Variants in ZNF618 observed in about 807,000 individuals in gnomAD.
The protein encoded by ZNF618 is zinc finger protein 618.
ZNF618 carries 34 observed loss-of-function variants against 103.0 expected under a neutral mutation model. The observed-to-expected ratio is 0.33, with a 90% CI of 0.25 to 0.44. ZNF618 has a LOEUF of 0.44. Ranked by LOEUF, ZNF618 falls within the 20% of genes least tolerant of loss-of-function variation. The probability of loss-of-function intolerance (pLI) is 1.00; values close to 1 mark genes in which losing one functional copy is unlikely to be tolerated. For missense variants in ZNF618, 1,059 were observed against 1,295.4 expected, an observed-to-expected ratio of 0.82 and a Z score of 2.80; for synonymous variants, 551 against 542.2, an observed-to-expected ratio of 1.02 and a Z score of -0.23.
intron 1 of ZNF618, 97 bp downstream of exon 1, chr9:113,876,510 A>G (rs1481465168): frequency 6.0e-6 from 6 of 997,514 alleles, no homozygotes; most frequent in Non-Finnish European, 7.5e-6. Context: ...TGCAAAATGC[A>G]AAGTGCCTGG....
In ZNF618 at chr9:113,996,308, G is replaced by A. The variant is rs563338823; in HGVS notation, c.338-1951G>A. Reference sequence around the variant, plus strand: ...GACGCTCTGAGCTAAATATGGGACTGTCCATTGTAAGGAACCAGCCTTCTG... The same window carrying A: ...GACGCTCTGAGCTAAATATGGGACTATCCATTGTAAGGAACCAGCCTTCTG... On this transcript the variant is annotated intron_variant, in intron 3 of 14. Coordinates refer to ENST00000374126, the MANE Select transcript of ZNF618 (RefSeq NM_001318042.2). Among the ~76,000 whole-genome samples the A allele has an allele frequency of 1.7e-4, 26 of 152,314 alleles. 1 individual carries two copies. The South Asian group carries it at 5.2e-3, about 30-fold the overall frequency.
At position 113,896,403 on chromosome 9, in the gene ZNF618, A is replaced by C. The variant is rs7855333; in HGVS notation, c.33+19990A>C. ...TTAAATTTCTGTGTTACTCCTTTTC[A>C]ATAAGTGCTTATTTTTATTCATTTT... On this transcript the variant is annotated intron_variant, in intron 1 of 14. Coordinates refer to ENST00000374126, the MANE Select transcript of ZNF618 (RefSeq NM_001318042.2). 4.7e-3 allele frequency among the ~76,000 whole-genome samples: 720 copies of C among 152,154 alleles called. 5 individuals are homozygous for C. The highest frequency in any genetic ancestry group is 0.021 in the East Asian group (107 of 5,188).
chr9:113,983,120 G>A (rs539257283), intron 2 of ZNF618, among the ~76,000 whole-genome samples: 20 of 152,190 alleles, frequency 1.3e-4, no homozygotes, highest in East Asian at 3.9e-4. Flanking sequence ...GATAGATTCC[G>A]AGTGCTTTTT....
intron 11 of ZNF618, among the ~76,000 whole-genome samples, chr9:114,031,882 G>A (rs551024388): frequency 6.6e-6 from 1 of 150,638 alleles, no homozygotes; most frequent in African/African-American, 2.4e-5. Flanking sequence ...TTCCAGCTCG[G>A]ATCATCTGTT....
At chr9:114,031,060 C>T (rs1270007980) in intron 11 of ZNF618, among the ~76,000 whole-genome samples, 1 of 152,144 alleles carries the variant, frequency 6.6e-6, no homozygotes, top group African/African-American at 2.4e-5. Flanking sequence ...GTTAGGAGTA[C>T]ATCCAACCCC....
At chr9:113,897,764 T>C (rs1211980721) in intron 1 of ZNF618, among the ~76,000 whole-genome samples, 1 of 152,302 alleles carries the variant, frequency 6.6e-6, no homozygotes, top group South Asian at 2.1e-4. Flanking sequence ...CCTTTACTGC[T>C]TTGGATACTG....
chr9:114,022,422 A>G (rs540335392), intron 10 of ZNF618, among the ~76,000 whole-genome samples: 9 of 152,132 alleles, frequency 5.9e-5, no homozygotes, highest in Admixed American at 2.0e-4. Context: ...TTATTTAGAA[A>G]TATATTCCAT....
At chr9:113,887,698 C>G (rs2130937348) in intron 1 of ZNF618, among the ~76,000 whole-genome samples, 1 of 152,278 alleles carries the variant, frequency 6.6e-6, no homozygotes, top group East Asian at 1.9e-4. Context: ...CCCTTGACTT[C>G]CAGCCTGGAT....
At chr9:113,975,487 C>G (rs1234313098) in intron 2 of ZNF618, among the ~76,000 whole-genome samples, 2 of 152,110 alleles carry the variant, frequency 1.3e-5, no homozygotes, top group African/African-American at 2.4e-5. Flanking sequence ...AACGCAATTT[C>G]CTTTGCACAA....
intron 2 of ZNF618, among the ~76,000 whole-genome samples, chr9:113,986,225 C>T (rs770981089): frequency 5.9e-5 from 9 of 152,214 alleles, no homozygotes; most frequent in Non-Finnish European, 1.3e-4. Context: ...ATTTTGCAGA[C>T]GGCGAAACCA....
chr9:113,911,852 C>A (rs1051046373), intron 1 of ZNF618, among the ~76,000 whole-genome samples: 9 of 152,124 alleles, frequency 5.9e-5, no homozygotes, highest in African/African-American at 2.2e-4. Context: ...GTAAATATTG[C>A]TGAAAAGAAT....
chr9:113,951,468 T>C lies in ZNF618; in HGVS notation c.34-17649T>C, dbSNP rs578182118. On this transcript the variant is annotated intron_variant, in intron 1 of 14. Transcript: ENST00000374126. ...ATATATGTGTATATATACATATATG[T>C]GTGTATGTGTACACATATATGTGTG... Among the ~76,000 whole-genome samples, 101 of 110,790 alleles carry C rather than the reference T, an allele frequency of 9.1e-4. 9 individuals are homozygous for C. Among genetic ancestry groups the C allele is most frequent in the African/African-American group, 3.5e-3 (99 of 28,236 alleles). The allele number at this position is 110,790 out of a possible 152,430, so 72.7% of individuals were successfully genotyped here.
chr9:113,889,200 GTGGTCATA>G (rs1303905149), intron 1 of ZNF618, among the ~76,000 whole-genome samples: 4 of 152,168 alleles, frequency 2.6e-5, no homozygotes, highest in African/African-American at 9.7e-5. Context: ...TTCTGTGGTT[GTGGTCATA>G]TGGTGGCTGA....
intron 10 of ZNF618, among the ~76,000 whole-genome samples, chr9:114,024,448 T>C (rs1422401105): frequency 6.6e-6 from 1 of 152,286 alleles, no homozygotes; most frequent in Non-Finnish European, 1.5e-5. Context: ...TGTTGTTGAC[T>C]TGATTTTGTC....
At position 114,032,688 on chromosome 9, in the gene ZNF618, C is replaced by T. The variant is rs1844196918; in HGVS notation, c.1128C>T (p.Asn376=). 6.2e-7 allele frequency: 1 copy of T among 1,613,928 alleles called. No homozygotes were observed. The highest frequency in any genetic ancestry group is 8.5e-7 in the Non-Finnish European group (1 of 1,179,916). ...GGAGAGTAGAAGGCAAAGCACAAAA[C>T]CACTTTGAAGAGACGAACAGCAGTT... ...FSRRVEGKAQ[N]HFEETNSSSQ... is the part of the protein sequence containing the mutation. The change falls in exon 12 of 15, where the codon AAC becomes AAT. Residue 376 remains asparagine (N), a synonymous_variant. Transcript: ENST00000374126.
intron 1 of ZNF618, among the ~76,000 whole-genome samples, chr9:113,959,396 G>T (rs1180675060): frequency 6.6e-6 from 1 of 152,192 alleles, no homozygotes; most frequent in Non-Finnish European, 1.5e-5. Context: ...ATCCTGCCCA[G>T]CTGGGGGAAT....
intron 1 of ZNF618, among the ~76,000 whole-genome samples, chr9:113,895,849 G>A (rs1188279948): frequency 2.6e-5 from 4 of 152,088 alleles, no homozygotes; most frequent in African/African-American, 9.7e-5. Flanking sequence ...GGTTTTTGGA[G>A]ATAATTATTT....
chr9:113,922,371 C>T (rs2131662420), intron 1 of ZNF618, among the ~76,000 whole-genome samples: 1 of 152,140 alleles, frequency 6.6e-6, no homozygotes, highest in African/African-American at 2.4e-5. Flanking sequence ...TTGGCAGCTG[C>T]CCAGAGGGCC....
intron 1 of ZNF618, among the ~76,000 whole-genome samples, chr9:113,944,905 G>A (rs1834870648): frequency 6.6e-6 from 1 of 152,200 alleles, no homozygotes; most frequent in Non-Finnish European, 1.5e-5. Flanking sequence ...GGGGGCTAGT[G>A]GCAACCATGT....
Sources: gnomAD v4.1 joint callset for allele counts (sites outside exome capture counted in the v4.1 genomes callset) on GRCh38, gnomAD v4.1.1 for gene constraint, MANE v1.5 for transcripts, NCBI Gene and HGNC (gene_info 2026-07-23, HGNC 2026-07-21) for gene names.